KLHL1: variants seen among roughly 807,000 people sequenced by gnomAD.
The protein encoded by KLHL1 is kelch like family member 1.
KLHL1 carries 47 observed loss-of-function variants against 77.7 expected under a neutral mutation model. That is an observed-to-expected ratio of 0.60 (90% CI 0.48 to 0.77). The LOEUF (loss-of-function observed/expected upper bound fraction) is 0.77. KLHL1 is among the 30% of genes least tolerant of loss of function. KLHL1 has a pLI of 0.00. For missense variants in KLHL1, 925 were observed against 910.8 expected, an observed-to-expected ratio of 1.02 and a Z score of -0.20; for synonymous variants, 360 against 325.2, an observed-to-expected ratio of 1.11 and a Z score of -1.15.
At chr13:69,780,710 ATATATG>A (rs200342913) in intron 7 of KLHL1, among the ~76,000 whole-genome samples, 2,009 of 39,322 alleles carry the variant, frequency 0.051, 107 homozygotes, top group African/African-American at 0.11. Context: ...ATGTATATAT[ATATATG>A]TATATATATA....
chr13:70,009,339 T>C (rs1182519786), intron 1 of KLHL1, among the ~76,000 whole-genome samples: 1 of 152,164 alleles, frequency 6.6e-6, no homozygotes, highest in South Asian at 2.1e-4. Context: ...ATTCATGAAC[T>C]GTGTTTTAAG....
rs1470435427 is a variant in KLHL1, at chr13:70,047,028, T to TGCTTATCCTTGTATTGAGATAATACAAC, written c.497+60147_497+60174dup. ...GTGTTGAATAGTGTGCTCAATACAATGCTTATCCTTGTATTGAGATAATAC... is the reference window on the plus strand; with the variant it reads ...GTGTTGAATAGTGTGCTCAATACAATGCTTATCCTTGTATTGAGATAATACAACGCTTATCCTTGTATTGAGATAATAC... On this transcript the variant is annotated intron_variant, in intron 1 of 10. Coordinates refer to ENST00000377844, the MANE Select transcript of KLHL1 (RefSeq NM_020866.3). Among the ~76,000 whole-genome samples the TGCTTATCCTTGTATTGAGATAATACAAC allele has an allele frequency of 1.8e-4, 28 of 152,230 alleles. No homozygotes were observed. The South Asian group carries it at 3.3e-3, about 18-fold the overall frequency.
intron 3 of KLHL1, among the ~76,000 whole-genome samples, chr13:69,940,850 T>C (rs1221053675): frequency 1.4e-5 from 2 of 147,964 alleles, no homozygotes; most frequent in Non-Finnish European, 3.0e-5. Flanking sequence ...TCTGTTTTTC[T>C]AATATCCAGA....
chr13:69,826,112 T>TA (rs1383637133), intron 6 of KLHL1, among the ~76,000 whole-genome samples: 2 of 152,100 alleles, frequency 1.3e-5, no homozygotes, highest in Non-Finnish European at 1.5e-5. Flanking sequence ...GCATAGGAGC[T>TA]AAAAAAGTCA....
intron 4 of KLHL1, among the ~76,000 whole-genome samples, chr13:69,933,650 T>C (rs1392813418): frequency 6.6e-6 from 1 of 152,156 alleles, no homozygotes; most frequent in Non-Finnish European, 1.5e-5. Context: ...GGCTTTATGC[T>C]GCAGGTATGA....
At chr13:70,033,857 T>C (rs1272425848) in intron 1 of KLHL1, among the ~76,000 whole-genome samples, 1 of 151,950 alleles carries the variant, frequency 6.6e-6, no homozygotes, top group Non-Finnish European at 1.5e-5. Context: ...TGACCTCAGG[T>C]GATCTTCCTG....
chr13:69,723,051 A>G (rs1873141068), intron 8 of KLHL1, among the ~76,000 whole-genome samples: 1 of 152,080 alleles, frequency 6.6e-6, no homozygotes, highest in African/African-American at 2.4e-5. Context: ...AGGACATTAT[A>G]TTAAGCAAAA....
At position 70,033,359 on chromosome 13, in the gene KLHL1, G is replaced by A. The variant is rs1187397220; in HGVS notation, c.498-57557C>T. On this transcript the variant is annotated intron_variant, in intron 1 of 10. Coordinates refer to ENST00000377844, the MANE Select transcript of KLHL1 (RefSeq NM_020866.3). Reference sequence around the variant, plus strand: ...GGCTGGAGGGCAGTGGCGCGCTCTCGGCTCACTGTAAGCTCCGCCTCCCGG... The same window carrying A: ...GGCTGGAGGGCAGTGGCGCGCTCTCAGCTCACTGTAAGCTCCGCCTCCCGG... 3.3e-5 allele frequency among the ~76,000 whole-genome samples: 5 copies of A among 151,898 alleles called. No individual in the cohort carries two copies. In the East Asian group the frequency reaches 9.7e-4, roughly 30 times the overall value.
At chr13:69,910,512 T>C (rs1393240327) in intron 4 of KLHL1, among the ~76,000 whole-genome samples, 2 of 152,098 alleles carry the variant, frequency 1.3e-5, no homozygotes, top group Non-Finnish European at 2.9e-5. Context: ...AAACCACTAC[T>C]ATGTTTCGGG....
At chr13:69,960,110 C>CTTTTT (rs58284665) in intron 3 of KLHL1, among the ~76,000 whole-genome samples, 1 of 124,226 alleles carries the variant, frequency 8.0e-6, no homozygotes. Context: ...AGCATGTGTA[C>CTTTTT]TTTTTTTTTT....
chr13:70,060,273 G>A (rs913693599), intron 1 of KLHL1, among the ~76,000 whole-genome samples: 1 of 152,112 alleles, frequency 6.6e-6, no homozygotes, highest in African/African-American at 2.4e-5. Flanking sequence ...AACAAATGCT[G>A]GTGAGAATGT....
At chr13:70,049,403 T>C (rs1477488908) in intron 1 of KLHL1, among the ~76,000 whole-genome samples, 1 of 152,168 alleles carries the variant, frequency 6.6e-6, no homozygotes, top group Non-Finnish European at 1.5e-5. Context: ...TTTATGAGAT[T>C]TCAGAGTTCT....
intron 5 of KLHL1, among the ~76,000 whole-genome samples, chr13:69,854,598 T>C (rs1322559534): frequency 6.6e-6 from 1 of 152,034 alleles, no homozygotes; most frequent in Non-Finnish European, 1.5e-5. Flanking sequence ...CTGCAGTAAT[T>C]AGATAAACAG....
intron 5 of KLHL1, among the ~76,000 whole-genome samples, chr13:69,877,052 T>A (rs897912459): frequency 6.6e-6 from 1 of 151,832 alleles, no homozygotes; most frequent in African/African-American, 2.4e-5. Flanking sequence ...AAAAAAGATA[T>A]AAACACTACC....
intron 4 of KLHL1, among the ~76,000 whole-genome samples, chr13:69,896,480 G>A (rs1454734769): frequency 6.6e-6 from 1 of 151,946 alleles, no homozygotes; most frequent in Non-Finnish European, 1.5e-5. Context: ...CAGTGTGCCC[G>A]CTTGTCAAAT....
intron 1 of KLHL1, among the ~76,000 whole-genome samples, chr13:70,024,634 C>CTCTTTCTCTCTT (rs1287640796): frequency 9.3e-4 from 78 of 83,672 alleles, no homozygotes; most frequent in South Asian, 1.5e-3. Context: ...CTCTCTCTCT[C>CTCTTTCTCTCTT]TCTCTCTCTC....
rs115593282 is a variant in KLHL1 at position 69,998,312 on chromosome 13, C to T, written c.498-22510G>A. Among the ~76,000 whole-genome samples, 502 of 152,074 alleles carry T rather than the reference C, an allele frequency of 3.3e-3. 3 individuals are homozygous for T. Among genetic ancestry groups the T allele is most frequent in the African/African-American group, 0.011 (476 of 41,484 alleles). On this transcript the variant is annotated intron_variant, in intron 1 of 10. Coordinates refer to ENST00000377844, the MANE Select transcript of KLHL1 (RefSeq NM_020866.3). ...CTGATAGGAATGATCTATTGATTCT[C>T]TAGCTAGCCCACTTGGAGAATTAGA...
chr13:70,034,091 T>G (rs933652195), intron 1 of KLHL1, among the ~76,000 whole-genome samples: 2 of 152,136 alleles, frequency 1.3e-5, no homozygotes, highest in African/African-American at 2.4e-5. Context: ...AAGAATCACC[T>G]CAAGTGCAGC....
chr13:70,108,005 C>T lies in KLHL1; in HGVS notation c.-306G>A, dbSNP rs1356094266. On this transcript the variant is annotated 5_prime_UTR_variant, in exon 1 of 11. Coordinates refer to ENST00000377844, the MANE Select transcript of KLHL1 (RefSeq NM_020866.3). ...AATCCTCGATGCCCGCGCGAGAGCC[C>T]CGTGTTATGGCGAGGTGGGACAACC... 4 of 444,754 alleles carry T rather than the reference C, an allele frequency of 9.0e-6. No homozygotes were observed. The East Asian group carries it at 1.3e-4, about 15-fold the overall frequency. The allele number at this position is 444,754 out of a possible 1,614,324, so 27.6% of individuals were successfully genotyped here. A position where few individuals can be genotyped will look rare whatever the true frequency, so the allele number is the denominator to read the frequency against.
Sources: allele counts gnomAD v4.1 joint callset (sites outside exome capture counted in the v4.1 genomes callset), GRCh38; gene constraint gnomAD v4.1.1; transcripts MANE v1.5; gene names NCBI Gene and HGNC (gene_info 2026-07-23, HGNC 2026-07-21).